WDR7: variants seen among roughly 807,000 people sequenced by gnomAD.
The protein encoded by WDR7 is WD repeat-containing protein 7.
A neutral mutation model predicts 169.4 loss-of-function variants in WDR7; 46 were observed. That is an observed-to-expected ratio of 0.27 (90% CI 0.21 to 0.35). The LOEUF (loss-of-function observed/expected upper bound fraction) is 0.35, where lower values mean the gene tolerates loss of function less well. Among genes scored for constraint, WDR7 ranks in the 10% least tolerant of loss-of-function variants. WDR7 has a pLI of 1.00. For synonymous variants in WDR7, 612 were observed against 666.8 expected (o/e 0.92, Z 1.27); for missense variants, 1,534 against 1,859.3 (o/e 0.83, Z 3.22).
At chr18:56,855,158 G>A (rs965926336) in intron 20 of WDR7, among the ~76,000 whole-genome samples, 1 of 151,938 alleles carries the variant, frequency 6.6e-6, no homozygotes, top group Non-Finnish European at 1.5e-5. Context: ...CCCTTGGTTT[G>A]CATTTCCCTT....
At chr18:56,983,623 C>T (rs1175912423) in intron 26 of WDR7, among the ~76,000 whole-genome samples, 1 of 151,980 alleles carries the variant, frequency 6.6e-6, no homozygotes, top group Non-Finnish European at 1.5e-5. Context: ...AGTTTCCTAA[C>T]AGTAAAACAT....
intron 21 of WDR7, among the ~76,000 whole-genome samples, chr18:56,891,641 A>G (rs2046265568): frequency 6.6e-6 from 1 of 152,094 alleles, no homozygotes; most frequent in Non-Finnish European, 1.5e-5. Flanking sequence ...TAAAAAATCA[A>G]GTAAATTCCT....
chr18:56,828,191 A>C (rs1203629469), intron 20 of WDR7, among the ~76,000 whole-genome samples: 1 of 152,244 alleles, frequency 6.6e-6, no homozygotes, highest in Non-Finnish European at 1.5e-5. Flanking sequence ...CTACCACTTC[A>C]AATTTTCACA....
At chr18:56,734,007 T>TCTTTGCCATTCC (rs367859451) in intron 14 of WDR7, among the ~76,000 whole-genome samples, 3,828 of 152,216 alleles carry the variant, frequency 0.025, 152 homozygotes, top group African/African-American at 0.087. Context: ...TTTGCCCTTG[T>TCTTTGCCATTCC]CTTTGCCATT....
intron 20 of WDR7, among the ~76,000 whole-genome samples, chr18:56,875,038 T>C (rs2046004535): frequency 6.6e-6 from 1 of 152,236 alleles, no homozygotes; most frequent in Non-Finnish European, 1.5e-5. Context: ...CTAGGTCTTC[T>C]TGCCAACATC....
intron 26 of WDR7, among the ~76,000 whole-genome samples, chr18:57,007,274 C>T (rs922105824): frequency 1.3e-5 from 2 of 152,178 alleles, no homozygotes; most frequent in East Asian, 1.9e-4. Flanking sequence ...CCACCGCTCC[C>T]GGCCTCCTAA....
Position 56,679,427 on chromosome 18 carries a change from A to C in WDR7, c.255A>C (p.Ala85=). ...ASSDKQYIVS[A]SESGEMCLWD... ...GTGACAAACAGTATATTGTGAGTGC[A>C]TCTGAAAGTGGGTAAGTATTTTCTC... is the stretch of plus-strand genomic sequence containing the variant. Residue 85 remains alanine, a synonymous_variant, in exon 3 of 28, where the codon GCA becomes GCC. Coordinates refer to ENST00000254442, the MANE Select transcript of WDR7 (RefSeq NM_015285.3). 1 of 1,602,808 alleles carries C rather than the reference A, an allele frequency of 6.2e-7. No individual in the cohort carries two copies. The highest frequency in any genetic ancestry group is 1.7e-4 in the Middle Eastern group (1 of 6,016).
intron 16 of WDR7, among the ~76,000 whole-genome samples, chr18:56,768,691 T>C (rs1269908596): frequency 2.6e-5 from 4 of 152,198 alleles, no homozygotes; most frequent in African/African-American, 9.6e-5. Flanking sequence ...GGTTTGCTTC[T>C]AAACATTTTC....
chr18:56,883,094 C>T (rs143852920), intron 21 of WDR7, among the ~76,000 whole-genome samples: 3,762 of 151,900 alleles, frequency 0.025, 69 homozygotes, highest in Middle Eastern at 0.097. Flanking sequence ...CCTGTAGTCC[C>T]AGCTGCTCGG....
intron 16 of WDR7, among the ~76,000 whole-genome samples, chr18:56,774,502 A>G (rs1377073795): frequency 6.6e-6 from 1 of 152,108 alleles, no homozygotes; most frequent in African/African-American, 2.4e-5. Context: ...AGAGAAGCAA[A>G]TTGATAGGTG....
intron 16 of WDR7, among the ~76,000 whole-genome samples, chr18:56,763,466 A>G (rs1174775167): frequency 6.6e-6 from 1 of 152,206 alleles, no homozygotes; most frequent in Non-Finnish European, 1.5e-5. Context: ...TTGAATTACC[A>G]ATTTTATAGT....
At chr18:56,805,430 C>T (rs367935408) in intron 19 of WDR7, among the ~76,000 whole-genome samples, 2 of 152,040 alleles carry the variant, frequency 1.3e-5, no homozygotes, top group Admixed American at 6.6e-5. Context: ...TAGAGATTTT[C>T]GTCATTTGGA....
intron 26 of WDR7, among the ~76,000 whole-genome samples, chr18:56,965,200 T>A (rs1025868430): frequency 1.3e-5 from 2 of 152,070 alleles, no homozygotes; most frequent in Non-Finnish European, 2.9e-5. Flanking sequence ...TTCACTTGGC[T>A]GTAGGGGTAT....
chr18:56,735,108 C>G (rs75148498), intron 14 of WDR7, among the ~76,000 whole-genome samples: 1 of 151,948 alleles, frequency 6.6e-6, no homozygotes, highest in Non-Finnish European at 1.5e-5. Flanking sequence ...AAGACACTTA[C>G]AAATATTGAT....
rs1797504190 is a variant in WDR7 at position 56,978,713 on chromosome 18, G to GGT, written c.4164+16186_4164+16187dup. On this transcript the variant is annotated intron_variant, in intron 26 of 27. Coordinates refer to ENST00000254442, the MANE Select transcript of WDR7 (RefSeq NM_015285.3). ...ATTTAGCATTGTTCTTTCCAAACCA[G>GGT]GTGACATATCAGAATCATGTAGGAA... is the stretch of plus-strand genomic sequence containing the variant. Among the ~76,000 whole-genome samples, 3 of 152,310 alleles carry GGT rather than the reference G, an allele frequency of 2.0e-5. No homozygotes were observed. In the South Asian group the frequency reaches 6.2e-4, roughly 32 times the overall value.
At position 56,942,697 on chromosome 18, in the gene WDR7, C is replaced by CTG. The variant is rs555161794; in HGVS notation, c.4064+3305_4064+3306dup. ...TTATATCAATTAGCCTGTGGTACAA[C>CTG]TGGTTTCATTATAGGTCAGTTTTCA... On this transcript the variant is annotated intron_variant, in intron 25 of 27. Coordinates refer to ENST00000254442, the MANE Select transcript of WDR7 (RefSeq NM_015285.3). 3.5e-3 allele frequency among the ~76,000 whole-genome samples: 532 copies of CTG among 152,218 alleles called. 3 individuals are homozygous for CTG. The highest frequency in any genetic ancestry group is 6.8e-3 in the Middle Eastern group (2 of 294).
rs767791168 is a variant in WDR7, at chr18:56,781,650, A to G, written c.3184A>G (p.Ile1062Val). The change falls in exon 19 of 28, where the codon ATA (isoleucine) becomes GTA (valine). Residue 1062 changes from isoleucine (I) to valine (V), a missense_variant. By Grantham distance (29) the Ile-to-Val change is conservative. Transcript: ENST00000254442. The stretch of plus-strand genomic sequence containing the variant: ...CTTACCTCAGTACATAGACCACGTC[A>G]TATCACGTAAGAGTTCTCATGCTTC... ...PYLPQYIDHV[I>V]SPGVTSEAAQ... 5.6e-6 allele frequency: 9 copies of G among 1,599,280 alleles called. No individual in the cohort carries two copies. The highest frequency in any genetic ancestry group is 5.6e-5 in the South Asian group (5 of 88,966).
chr18:56,659,007 C>T (rs935312153), intron 1 of WDR7, among the ~76,000 whole-genome samples: 29 of 152,118 alleles, frequency 1.9e-4, no homozygotes, highest in Non-Finnish European at 2.9e-4. Context: ...TGAGCCACCG[C>T]GCCCGGCCCC....
chr18:56,926,660 C>T (rs562692842), intron 22 of WDR7, among the ~76,000 whole-genome samples: 1 of 152,288 alleles, frequency 6.6e-6, no homozygotes, highest in Admixed American at 6.5e-5. Flanking sequence ...GCTATTACAT[C>T]CTTTTCTGTC....
Sources: allele counts gnomAD v4.1 joint callset (sites outside exome capture counted in the v4.1 genomes callset), GRCh38; gene constraint gnomAD v4.1.1; transcripts MANE v1.5; gene names NCBI Gene and HGNC (gene_info 2026-07-23, HGNC 2026-07-21).